The following STIM1 variants were observed in gnomAD, a reference collection of about 807,000 sequenced individuals.
STIM1 encodes stromal interaction molecule 1.
In STIM1, 25 loss-of-function variants were observed where a neutral mutation model predicts 74.7. The observed-to-expected ratio is 0.33, with a 90% CI of 0.24 to 0.47. The LOEUF is 0.47. Among genes scored for constraint, STIM1 ranks in the 20% least tolerant of loss-of-function variants. The pLI is 1.00. For missense variants in STIM1, 728 were observed against 920.8 expected, an observed-to-expected ratio of 0.79 and a Z score of 2.71; for synonymous variants, 328 against 348.8, an observed-to-expected ratio of 0.94 and a Z score of 0.66.
chr11:3,999,289 G>A (rs974068746), intron 2 of STIM1, among the ~76,000 whole-genome samples: 4 of 152,188 alleles, frequency 2.6e-5, no homozygotes, highest in African/African-American at 9.7e-5. Flanking sequence ...CCATCTTCAC[G>A]CCACTGCATT....
chr11:3,989,020 AG>A (rs2093583610), intron 2 of STIM1: 2 of 863,352 alleles, frequency 2.3e-6, no homozygotes, highest in Non-Finnish European at 3.5e-6. Flanking sequence ...AGATGGGATG[AG>A]GTGGGATTCC....
chr11:3,996,840 A>G (rs542860406), intron 2 of STIM1, among the ~76,000 whole-genome samples: 1 of 152,148 alleles, frequency 6.6e-6, no homozygotes, highest in Non-Finnish European at 1.5e-5. Context: ...CTAACCCATC[A>G]ATTTTGTAAC....
intron 11 of STIM1, 125 bp downstream of exon 11, chr11:4,084,890 A>C: frequency 1.4e-6 from 1 of 690,854 alleles, no homozygotes; most frequent in Non-Finnish European, 2.2e-6. Flanking sequence ...TCCCCTCAGC[A>C]CTGTCCCTAC....
intron 5 of STIM1, among the ~76,000 whole-genome samples, chr11:4,069,381 C>T (rs2094389213): frequency 6.6e-6 from 1 of 152,122 alleles, no homozygotes. Context: ...CTCTGCCCCT[C>T]AATTTCTGGT....
At chr11:4,034,088 T>C (rs1462698139) in intron 3 of STIM1, among the ~76,000 whole-genome samples, 1 of 150,932 alleles carries the variant, frequency 6.6e-6, no homozygotes, top group East Asian at 2.0e-4. Context: ...AATTAGCTGG[T>C]TGTGGTGGCG....
At chr11:3,967,903 C>G (rs1258048172) in intron 2 of STIM1, among the ~76,000 whole-genome samples, 6 of 152,166 alleles carry the variant, frequency 3.9e-5, no homozygotes, top group Non-Finnish European at 8.8e-5. Flanking sequence ...GGGCTGGCTG[C>G]CCCCTGCCTA....
intron 1 of STIM1, among the ~76,000 whole-genome samples, chr11:3,907,480 T>C (rs1275600136): frequency 6.6e-6 from 1 of 152,214 alleles, no homozygotes; most frequent in East Asian, 1.9e-4. Context: ...AATCCAACAT[T>C]CAGATACTTT....
At chr11:3,950,413 T>G (rs1259757886) in intron 1 of STIM1, among the ~76,000 whole-genome samples, 1 of 152,226 alleles carries the variant, frequency 6.6e-6, no homozygotes, top group Non-Finnish European at 1.5e-5. Flanking sequence ...ATTATAGGCA[T>G]GAGCCACTGT....
At chr11:4,087,556 C>T (rs1565172676) in intron 12 of STIM1, among the ~76,000 whole-genome samples, 1 of 151,870 alleles carries the variant, frequency 6.6e-6, no homozygotes, top group African/African-American at 2.4e-5. Context: ...ACGAAGGCTC[C>T]GAAAGGGAAG....
At chr11:4,040,941 A>C (rs1020233706) in intron 3 of STIM1, among the ~76,000 whole-genome samples, 2 of 152,218 alleles carry the variant, frequency 1.3e-5, no homozygotes, top group Non-Finnish European at 1.5e-5. Flanking sequence ...TCAGGGTTTG[A>C]TAATGACATC....
rs543347248 is a variant in STIM1, at chr11:3,988,965, A to G, written c.270+21283A>G. On this transcript the variant is annotated intron_variant, in intron 2 of 12. Coordinates refer to ENST00000526596, the MANE Select transcript of STIM1 (RefSeq NM_001382567.1). ...TTCTGGTTGTACCAAAAAATAAACAACCAGCGAATGATTTCACCTCTTAAA... is the reference window on the plus strand; with the variant it reads ...TTCTGGTTGTACCAAAAAATAAACAGCCAGCGAATGATTTCACCTCTTAAA... 4.3e-4 allele frequency among the ~76,000 whole-genome samples: 65 copies of G among 152,284 alleles called. No individual in the cohort carries two copies. In the South Asian group the frequency reaches 0.013, roughly 31 times the overall value.
At chr11:3,941,183 T>TTAGTA (rs2093000484) in intron 1 of STIM1, among the ~76,000 whole-genome samples, 1 of 152,204 alleles carries the variant, frequency 6.6e-6, no homozygotes, top group Non-Finnish European at 1.5e-5. Context: ...AAAGAGTACA[T>TTAGTA]GCCTCTACTA....
At chr11:3,900,852 A>C (rs1390890275) in intron 1 of STIM1, among the ~76,000 whole-genome samples, 1 of 152,188 alleles carries the variant, frequency 6.6e-6, no homozygotes. Flanking sequence ...TTGGGATTAC[A>C]GGCATGAGCC....
chr11:3,948,120 C>G (rs1402884421), intron 1 of STIM1, among the ~76,000 whole-genome samples: 1 of 152,148 alleles, frequency 6.6e-6, no homozygotes, highest in Non-Finnish European at 1.5e-5. Flanking sequence ...AGGCTCAATA[C>G]TCTGACCTCA....
Position 3,855,972 on chromosome 11 carries a change from A to G in STIM1, c.-299A>G. 1 of 459,368 alleles carries G rather than the reference A, an allele frequency of 2.2e-6. No individual in the cohort carries two copies. Among genetic ancestry groups the G allele is most frequent in the Non-Finnish European group, 4.0e-6 (1 of 247,440 alleles). The allele number at this position is 459,368 out of a possible 1,614,324, so 28.5% of individuals were successfully genotyped here. ...TCCGCAGGGGTGTAGTAATCTGCGGAGCTGACAGCAGCCCCGCAGCCACCC... is the reference window on the plus strand; with the variant it reads ...TCCGCAGGGGTGTAGTAATCTGCGGGGCTGACAGCAGCCCCGCAGCCACCC... On this transcript the variant is annotated 5_prime_UTR_variant, in exon 1 of 13. Transcript: ENST00000526596.
At chr11:3,980,001 T>G (rs1468827770) in intron 2 of STIM1, among the ~76,000 whole-genome samples, 1 of 152,162 alleles carries the variant, frequency 6.6e-6, no homozygotes, top group Non-Finnish European at 1.5e-5. Flanking sequence ...CTCATCTCAA[T>G]ACTAACTCCC....
intron 3 of STIM1, among the ~76,000 whole-genome samples, chr11:4,053,291 T>C (rs1215424254): frequency 3.9e-5 from 6 of 152,218 alleles, no homozygotes; most frequent in Admixed American, 2.6e-4. Flanking sequence ...CGTGTGTTTA[T>C]TGCAGCACTA....
intron 1 of STIM1, among the ~76,000 whole-genome samples, chr11:3,899,726 A>AAG (rs765067396): frequency 0.24 from 35,576 of 145,900 alleles, 5,887 homozygotes; most frequent in African/African-American, 0.46. Context: ...TTTAGCATGA[A>AAG]GCGTTGTTGA....
At position 4,035,315 on chromosome 11, in the gene STIM1, C is replaced by T. The variant is rs531705163; in HGVS notation, c.385+11328C>T. ...CCAACTGATTTATTAGTAGCGCAGA[C>T]GAATAAAAATACCTAGAGTGAAGAC... On this transcript the variant is annotated intron_variant, in intron 3 of 12. Coordinates refer to ENST00000526596, the MANE Select transcript of STIM1 (RefSeq NM_001382567.1). Among the ~76,000 whole-genome samples, 29 of 148,988 alleles carry T rather than the reference C, an allele frequency of 1.9e-4. No homozygotes were observed. In the South Asian group the frequency reaches 4.7e-3, roughly 24 times the overall value.
Sources: gnomAD v4.1 joint callset for allele counts (sites outside exome capture counted in the v4.1 genomes callset) on GRCh38, gnomAD v4.1.1 for gene constraint, MANE v1.5 for transcripts, NCBI Gene and HGNC (gene_info 2026-07-23, HGNC 2026-07-21) for gene names.